The following LDB3 variants were observed in gnomAD, a reference collection of about 807,000 sequenced individuals.
LDB3 encodes the protein LIM domain-binding protein 3.
A neutral mutation model predicts 69.0 loss-of-function variants in LDB3; 49 were observed. The observed-to-expected ratio is 0.71, with a 90% CI of 0.56 to 0.90. LDB3 has a LOEUF of 0.90. LDB3 is among the 40% of genes least tolerant of loss of function. The pLI is 0.00. For missense variants in LDB3, 928 were observed against 974.1 expected (o/e 0.95, Z 0.63); for synonymous variants, 387 against 396.2 (o/e 0.98, Z 0.28).
chr10:86,677,141 C>A (rs1844839130), intron 2 of LDB3, among the ~76,000 whole-genome samples: 1 of 152,210 alleles, frequency 6.6e-6, no homozygotes, highest in Non-Finnish European at 1.5e-5. Context: ...GGGTCCGGAG[C>A]CTCCTCTTTC....
At chr10:86,675,366 C>T (rs1286003604) in intron 2 of LDB3, among the ~76,000 whole-genome samples, 3 of 152,188 alleles carry the variant, frequency 2.0e-5, no homozygotes, top group African/African-American at 4.8e-5. Context: ...CTGATCTGGC[C>T]CCAGCCTCTC....
At position 86,692,076 on chromosome 10, in the gene LDB3, G is replaced by C. The variant is rs755251937; in HGVS notation, c.859+11G>C. On this transcript the variant is annotated intron_variant, in intron 6 of 13. Transcript: ENST00000361373. ...CGGGGACAGAATTCAGTGAGTGCAGGCTCTCAGGGTGGCTGCAGAGGAGGG... is the reference window on the plus strand; with the variant it reads ...CGGGGACAGAATTCAGTGAGTGCAGCCTCTCAGGGTGGCTGCAGAGGAGGG... 1.9e-6 allele frequency: 3 copies of C among 1,613,806 alleles called. No homozygotes were observed. Among genetic ancestry groups the C allele is most frequent in the Non-Finnish European group, 1.7e-6 (2 of 1,179,940 alleles).
intron 12 of LDB3, among the ~76,000 whole-genome samples, chr10:86,720,855 TAAGAG>T: frequency 6.6e-6 from 1 of 152,300 alleles, no homozygotes; most frequent in Admixed American, 6.5e-5. Context: ...GGTCTAGTGT[TAAGAG>T]AAGACAGTGA....
chr10:86,705,786 A>G (rs1012466715), intron 7 of LDB3, among the ~76,000 whole-genome samples: 1 of 152,182 alleles, frequency 6.6e-6, no homozygotes, highest in Non-Finnish European at 1.5e-5. Context: ...CAAATCCTCT[A>G]GGGCACCCAG....
At chr10:86,718,675 C>A in intron 11 of LDB3, 52 bp from the exon 12 acceptor site, 1 of 1,613,706 alleles carries the variant, frequency 6.2e-7, no homozygotes, top group South Asian at 1.1e-5. Flanking sequence ...GTGGGGTAGT[C>A]AAGCCCGCTC....
chr10:86,673,762 T>G (rs143095609), intron 2 of LDB3, among the ~76,000 whole-genome samples: 4,864 of 152,260 alleles, frequency 0.032, 179 homozygotes, highest in Admixed American at 0.12. Context: ...CCTACTTATC[T>G]GCCACCTGCC....
intron 13 of LDB3, among the ~76,000 whole-genome samples, chr10:86,728,596 T>TG (rs1554868971): frequency 6.7e-6 from 1 of 149,110 alleles, no homozygotes; most frequent in African/African-American, 2.5e-5. Flanking sequence ...GTTTTTTTTT[T>TG]TTTTTGAGAC....
intron 9 of LDB3, among the ~76,000 whole-genome samples, chr10:86,714,229 G>T (rs1209044939): frequency 2.0e-5 from 3 of 152,188 alleles, no homozygotes; most frequent in African/African-American, 4.8e-5. Flanking sequence ...AAACCAGGAG[G>T]TAGTAGAGCT....
At chr10:86,697,917 G>C (rs944580100) in intron 7 of LDB3, among the ~76,000 whole-genome samples, 1 of 152,134 alleles carries the variant, frequency 6.6e-6, no homozygotes, top group Non-Finnish European at 1.5e-5. Context: ...AGAAATAATA[G>C]AGATCCCTAG....
chr10:86,729,374 C>T (rs537209216), intron 13 of LDB3, among the ~76,000 whole-genome samples: 6 of 152,172 alleles, frequency 3.9e-5, no homozygotes, highest in East Asian at 1.9e-4. Context: ...GGAAAGGGTC[C>T]GACCTTAGTG....
chr10:86,732,455 A>C lies in LDB3; in HGVS notation c.2095-432A>C. 6.6e-6 allele frequency: 3 copies of C among 454,574 alleles called. 1 individual carries two copies. The highest frequency in any genetic ancestry group is 4.7e-5 in the South Asian group (3 of 64,130). The allele number at this position is 454,574 out of a possible 1,614,324, so 28.2% of individuals were successfully genotyped here. On this transcript the variant is annotated intron_variant, in intron 13 of 13. Transcript: ENST00000361373. ...CGTCATTAAGAATTCATAGTGGGAGAAATAGGCTGTTGCCTTTTCTCTAGA... is the reference window on the plus strand; with the variant it reads ...CGTCATTAAGAATTCATAGTGGGAGCAATAGGCTGTTGCCTTTTCTCTAGA...
chr10:86,716,261 G>A (rs1846864546), intron 9 of LDB3, 66 bp from the exon 10 acceptor site: 7 of 1,576,016 alleles, frequency 4.4e-6, no homozygotes, highest in Admixed American at 1.7e-5. Context: ...CTGGCTAGGA[G>A]TGAGGGGAAC....
At chr10:86,684,855 A>T (rs1438946801) in intron 5 of LDB3, among the ~76,000 whole-genome samples, 1 of 152,022 alleles carries the variant, frequency 6.6e-6, no homozygotes, top group Non-Finnish European at 1.5e-5. Flanking sequence ...CACTGCAGGG[A>T]ATTTGCATTT....
chr10:86,735,803 T>C lies in LDB3; in HGVS notation c.*2827T>C, dbSNP rs1847613965. 1 of 143,494 alleles carries C rather than the reference T, an allele frequency of 7.0e-6. No homozygotes were observed. Among genetic ancestry groups the C allele is most frequent in the Admixed American group, 6.8e-5 (1 of 14,708 alleles). The allele number at this position is 143,494 out of a possible 1,614,324, so 8.9% of individuals were successfully genotyped here. A position where few individuals can be genotyped will look rare whatever the true frequency, so the allele number is the denominator to read the frequency against. On this transcript the variant is annotated 3_prime_UTR_variant, in exon 14 of 14. Transcript: ENST00000361373. ...GCAAAAAAAAAAAAAAAAAAAAAAT[T>C]ATAATCACAACTTTTTGCAATGGAG... is the stretch of plus-strand genomic sequence containing the variant.
At chr10:86,712,347 A>G (rs749975753) in intron 9 of LDB3, among the ~76,000 whole-genome samples, 3 of 152,228 alleles carry the variant, frequency 2.0e-5, no homozygotes, top group Non-Finnish European at 4.4e-5. Flanking sequence ...ACTGCCAGGC[A>G]GGGGGAATAG....
At chr10:86,701,969 GTTC>G in intron 7 of LDB3, among the ~76,000 whole-genome samples, 1 of 152,322 alleles carries the variant, frequency 6.6e-6, no homozygotes, top group East Asian at 1.9e-4. Context: ...CTGATGAGGT[GTTC>G]TTCATCTAGA....
intron 7 of LDB3, among the ~76,000 whole-genome samples, chr10:86,696,590 A>G (rs1846009461): frequency 6.6e-6 from 1 of 152,100 alleles, no homozygotes; most frequent in South Asian, 2.1e-4. Flanking sequence ...CCCTGTCACT[A>G]AGCACTAATG....
chr10:86,707,537 T>C (rs1001576115), intron 8 of LDB3, among the ~76,000 whole-genome samples: 1 of 152,044 alleles, frequency 6.6e-6, no homozygotes, highest in East Asian at 1.9e-4. Context: ...AGTGGCCATG[T>C]GGCGCATCAG....
intron 2 of LDB3, among the ~76,000 whole-genome samples, chr10:86,678,069 G>A (rs1321080754): frequency 2.0e-5 from 3 of 152,010 alleles, no homozygotes; most frequent in African/African-American, 7.2e-5. Flanking sequence ...ACAGAGTCTC[G>A]CTCTCACCCA....
Sources: gnomAD v4.1 joint callset for allele counts (sites outside exome capture counted in the v4.1 genomes callset) on GRCh38, gnomAD v4.1.1 for gene constraint, MANE v1.5 for transcripts, NCBI Gene and HGNC (gene_info 2026-07-23, HGNC 2026-07-21) for gene names.